PGM3: variants seen among roughly 807,000 people sequenced by gnomAD.
PGM3 encodes phosphoglucomutase 3, also known as phosphoacetylglucosamine mutase.
A neutral mutation model predicts 66.2 loss-of-function variants in PGM3; 40 were observed. That is an observed-to-expected ratio of 0.60 (90% confidence interval 0.47 to 0.79). The LOEUF is 0.79. Among genes scored for constraint, PGM3 ranks in the 30% least tolerant of loss-of-function variants. The pLI, the probability that PGM3 is intolerant of heterozygous loss-of-function variation, is 0.00. For synonymous variants in PGM3, 191 were observed against 224.2 expected (o/e 0.85, Z 1.32); for missense variants, 537 against 643.4 (o/e 0.83, Z 1.79).
chr6:83,166,429 A>T lies in PGM3; in HGVS notation c.*2805T>A. 1 of 702,020 alleles carries T rather than the reference A, an allele frequency of 1.4e-6. No individual in the cohort carries two copies. The highest frequency in any genetic ancestry group is 1.5e-5 in the South Asian group (1 of 67,454). The allele number at this position is 702,020 out of a possible 1,614,324, so 43.5% of individuals were successfully genotyped here. ...CATTAGCAGTTCCTGGGCCAAATGC[A>T]TTGTTGATGTTGTGTGTTGTCTCTG... On this transcript the variant is annotated 3_prime_UTR_variant, in exon 13 of 13. Coordinates refer to ENST00000513973, the MANE Select transcript of PGM3 (RefSeq NM_015599.3).
In PGM3 at chr6:83,183,814, C is replaced by T. The variant is rs377088250; in HGVS notation, c.458-836G>A. Among the ~76,000 whole-genome samples, 23 of 152,216 alleles carry T rather than the reference C, an allele frequency of 1.5e-4. No homozygotes were observed. In the East Asian group the frequency reaches 3.5e-3, roughly 23 times the overall value. On this transcript the variant is annotated intron_variant, in intron 4 of 12. Coordinates refer to ENST00000513973, the MANE Select transcript of PGM3 (RefSeq NM_015599.3). ...AATCTCAGCTCACTACAACCTCCAC[C>T]TCCCAGCCTCAAGTGATTCTCCTGC...
downstream of PGM3, chr6:83,157,282 T>C (rs1783000218): frequency 1.2e-6 from 2 of 1,613,962 alleles, no homozygotes; most frequent in Non-Finnish European, 1.7e-6. Flanking sequence ...CTCCCCAACA[T>C]CTTACCTCAC....
At chr6:83,193,363 C>G (rs1014633289), upstream of PGM3, 3 of 152,184 alleles carry the variant, frequency 2.0e-5, no homozygotes, top group Non-Finnish European at 4.4e-5. Context: ...CGCCGCAGGT[C>G]GCGCGCAGCT....
rs1786376106 is a variant in PGM3, at chr6:83,168,428, G to A, written c.*806C>T. 1 of 1,156,096 alleles carries A rather than the reference G, an allele frequency of 8.6e-7. No individual in the cohort carries two copies. The highest frequency in any genetic ancestry group is 1.6e-5 in the African/African-American group (1 of 62,240). 71.6% of individuals were successfully genotyped at this position (1,156,096 alleles called of 1,614,324 possible). A position where few individuals can be genotyped will look rare whatever the true frequency, so the allele number is the denominator to read the frequency against. On this transcript the variant is annotated 3_prime_UTR_variant, in exon 13 of 13. Coordinates refer to ENST00000513973, the MANE Select transcript of PGM3 (RefSeq NM_015599.3). Reference sequence around the variant, plus strand: ...AAGTCCATTGTTTTTATTGTCCTGAGTTGTCTTAAACCTGCAAAATATACA... The same window carrying A: ...AAGTCCATTGTTTTTATTGTCCTGAATTGTCTTAAACCTGCAAAATATACA...
chr6:83,186,578 C>T (rs1788598470), intron 4 of PGM3, among the ~76,000 whole-genome samples: 1 of 152,162 alleles, frequency 6.6e-6, no homozygotes, highest in Non-Finnish European at 1.5e-5. Flanking sequence ...TTTGATATAA[C>T]ATAAAGAACT....
At position 83,164,953 on chromosome 6, in the gene PGM3, A is replaced by C. The variant is rs1785104336; in HGVS notation, c.*4281T>G. 1 of 437,744 alleles carries C rather than the reference A, an allele frequency of 2.3e-6. No individual in the cohort carries two copies. Among genetic ancestry groups the C allele is most frequent in the African/African-American group, 2.1e-5 (1 of 48,378 alleles). The allele number at this position is 437,744 out of a possible 1,614,324, so 27.1% of individuals were successfully genotyped here. A position where few individuals can be genotyped will look rare whatever the true frequency, so the allele number is the denominator to read the frequency against. On this transcript the variant is annotated 3_prime_UTR_variant, in exon 13 of 13. Transcript: ENST00000513973. The stretch of plus-strand genomic sequence containing the variant: ...TTAAGAGCATCAGAAACTCTGAATC[A>C]AGTGTATTCTTCTTGGTCAAGAGCT...
chr6:83,153,364 A>G, the PGM3 span: 4 of 497,406 alleles, frequency 8.0e-6, no homozygotes, highest in African/African-American at 6.1e-5. Context: ...GGCAAAACTC[A>G]TTAACATAAA....
At chr6:83,153,456 G>T in the PGM3 span, 1 of 1,147,708 alleles carries the variant, frequency 8.7e-7, no homozygotes, top group Non-Finnish European at 1.2e-6. Flanking sequence ...TCAGTACCTT[G>T]GGATGATGTC....
intron 12 of PGM3, 86 bp downstream of exon 12, chr6:83,170,219 T>TC: frequency 1.6e-6 from 2 of 1,235,766 alleles, no homozygotes; most frequent in Non-Finnish European, 2.3e-6. Context: ...TTAATCATCA[T>TC]AGTGAGATTC....
downstream of PGM3, chr6:83,157,284 T>C: frequency 1.2e-6 from 2 of 1,613,930 alleles, no homozygotes; most frequent in Non-Finnish European, 8.5e-7. Context: ...CCCCAACATC[T>C]TACCTCACTC....
At chr6:83,157,397 T>A, downstream of PGM3, 1 of 1,441,334 alleles carries the variant, frequency 6.9e-7, no homozygotes, top group Non-Finnish European at 9.7e-7. Context: ...TACTAGATAT[T>A]AACGAATATT....
the PGM3 span, among the ~76,000 whole-genome samples, chr6:83,154,439 CTT>C: frequency 6.6e-6 from 1 of 152,170 alleles, no homozygotes; most frequent in Non-Finnish European, 1.5e-5. Flanking sequence ...CAGAGGACAA[CTT>C]AAGTGATAAG....
chr6:83,184,424 A>T (rs1329911242), intron 4 of PGM3, among the ~76,000 whole-genome samples: 2 of 152,240 alleles, frequency 1.3e-5, no homozygotes, highest in Non-Finnish European at 2.9e-5. Context: ...GAGGAGATGG[A>T]GAAGCTCAAA....
chr6:83,160,974 CAT>C (rs144188690), downstream of PGM3, among the ~76,000 whole-genome samples: 16 of 149,508 alleles, frequency 1.1e-4, no homozygotes, highest in Middle Eastern at 3.4e-3. Context: ...ACTTGAAAAC[CAT>C]ATATATATAT....
chr6:83,185,630 G>A (rs1788524361), intron 4 of PGM3, among the ~76,000 whole-genome samples: 1 of 152,028 alleles, frequency 6.6e-6, no homozygotes, highest in Non-Finnish European at 1.5e-5. Flanking sequence ...GTGGTGGCAT[G>A]TGCCTGTAAT....
the PGM3 span, chr6:83,151,625 G>C: frequency 2.5e-6 from 4 of 1,609,200 alleles, no homozygotes; most frequent in African/African-American, 5.4e-5. Flanking sequence ...AAAAACCCTA[G>C]TTTGGAAAAT....
downstream of PGM3, among the ~76,000 whole-genome samples, chr6:83,158,066 T>C (rs1783222797): frequency 6.6e-6 from 1 of 152,100 alleles, no homozygotes; most frequent in Admixed American, 6.6e-5. Context: ...TGGCGAGATC[T>C]CAGCTCACTG....
At chr6:83,157,346 A>G (rs1783009792), downstream of PGM3, 1 of 1,604,582 alleles carries the variant, frequency 6.2e-7, no homozygotes, top group Non-Finnish European at 8.5e-7. Context: ...CAGTCAGGTT[A>G]TAAATCTAAA....
the PGM3 span, chr6:83,151,690 T>C: frequency 6.4e-7 from 1 of 1,566,582 alleles, no homozygotes; most frequent in Non-Finnish European, 8.6e-7. Flanking sequence ...TTGCCAAAAC[T>C]GTTTCTCAGT....
Sources: gnomAD v4.1 joint callset for allele counts (sites outside exome capture counted in the v4.1 genomes callset) on GRCh38, gnomAD v4.1.1 for gene constraint, MANE v1.5 for transcripts, NCBI Gene and HGNC (gene_info 2026-07-23, HGNC 2026-07-21) for gene names.